Variants in DMD observed in about 807,000 individuals in gnomAD.
The protein encoded by DMD is mutant dystrophin.
A neutral mutation model predicts 330.1 loss-of-function variants in DMD; 63 were observed. The ratio of observed to expected loss-of-function variants is 0.19; its 90% CI spans 0.16 to 0.24. The LOEUF (loss-of-function observed/expected upper bound fraction) is 0.24. DMD is among the 10% of genes least tolerant of loss of function. The probability of loss-of-function intolerance (pLI) is 1.00; values close to 1 mark genes in which losing one functional copy is unlikely to be tolerated. For missense variants in DMD, 3,344 were observed against 2,684.1 expected (o/e 1.25, Z -5.43); for synonymous variants, 1,223 against 959.8 (o/e 1.27, Z -5.07).
At chrX:31,316,452 A>C (rs2056018707) in intron 62 of DMD, among the ~76,000 whole-genome samples, 1 of 111,870 alleles carries the variant, frequency 8.9e-6, no homozygotes, top group Non-Finnish European at 1.9e-5. Flanking sequence ...ATTTCAGTCA[A>C]GGTGATACAA....
chrX:31,845,424 T>TCTCTCTCC (rs1295024075), intron 48 of DMD, among the ~76,000 whole-genome samples: 11 of 94,336 alleles, frequency 1.2e-4, no homozygotes, highest in Non-Finnish European at 2.1e-4. Flanking sequence ...TCTCTCTCTC[T>TCTCTCTCC]CCCTCTCCTC....
intron 52 of DMD, among the ~76,000 whole-genome samples, chrX:31,721,425 A>T (rs1453876258): frequency 9.1e-6 from 1 of 109,885 alleles, no homozygotes; most frequent in African/African-American, 3.3e-5. Flanking sequence ...AAGAGAAAAG[A>T]CTGAAGTCCC....
chrX:31,619,975 A>T (rs1050864703), intron 55 of DMD, among the ~76,000 whole-genome samples: 1 of 112,229 alleles, frequency 8.9e-6, no homozygotes, highest in Admixed American at 9.4e-5. Flanking sequence ...CCTGCAGGAG[A>T]TAAAAGACCA....
chrX:33,138,882 T>A (rs1189000770), intron 1 of DMD, among the ~76,000 whole-genome samples: 1 of 111,581 alleles, frequency 9.0e-6, no homozygotes, highest in Non-Finnish European at 1.9e-5. Flanking sequence ...TTCTCACCCC[T>A]GCTTTCTGCC....
chrX:32,761,300 G>C (rs1038550857), intron 7 of DMD, among the ~76,000 whole-genome samples: 1 of 110,901 alleles, frequency 9.0e-6, no homozygotes, highest in Non-Finnish European at 1.9e-5. Context: ...GTGATAAATC[G>C]GTGATGCTCT....
chrX:31,988,254 T>C (rs1020665513), intron 44 of DMD, among the ~76,000 whole-genome samples: 2 of 109,538 alleles, frequency 1.8e-5, no homozygotes, highest in Admixed American at 9.7e-5. Context: ...GGGTGGATCA[T>C]GAGGTCAGGA....
At chrX:32,308,421 A>G (rs149582063) in intron 42 of DMD, among the ~76,000 whole-genome samples, 3 of 110,772 alleles carry the variant, frequency 2.7e-5, no homozygotes, top group East Asian at 2.9e-4. Flanking sequence ...AATGACAATG[A>G]TGAATGCCTT....
chrX:31,920,137 T>C (rs12013032), intron 47 of DMD, among the ~76,000 whole-genome samples: 8,706 of 112,128 alleles, frequency 0.078, 769 homozygotes, highest in African/African-American at 0.26. Context: ...AGGGGTCAGC[T>C]GACATGAATA....
At chrX:33,292,760 T>C (rs2053530871) in intron 1 of DMD, among the ~76,000 whole-genome samples, 1 of 111,068 alleles carries the variant, frequency 9.0e-6, no homozygotes, top group Non-Finnish European at 1.9e-5. Flanking sequence ...CTGAAGTATA[T>C]ATTTTTGGTT....
chrX:32,798,732 T>G (rs372506712), intron 7 of DMD, among the ~76,000 whole-genome samples: 2 of 111,949 alleles, frequency 1.8e-5, no homozygotes, highest in South Asian at 7.4e-4. Context: ...AAGGAACACC[T>G]ATAATATTGC....
At chrX:32,835,274 T>C (rs182305861) in intron 4 of DMD, among the ~76,000 whole-genome samples, 38 of 111,974 alleles carry the variant, frequency 3.4e-4, no homozygotes, top group African/African-American at 1.2e-3. Flanking sequence ...GTATAAGAGA[T>C]GTTTCATCCT....
chrX:31,462,891 A>G (rs762428736), intron 59 of DMD, among the ~76,000 whole-genome samples: 5 of 112,247 alleles, frequency 4.5e-5, no homozygotes, highest in Non-Finnish European at 3.8e-5. Context: ...AAAAGACAGA[A>G]GTTGATGGAA....
At chrX:32,357,681 AC>A (rs2097809282) in intron 37 of DMD, among the ~76,000 whole-genome samples, 2 of 109,221 alleles carry the variant, frequency 1.8e-5, no homozygotes, top group Non-Finnish European at 3.8e-5. Flanking sequence ...ACACACACAC[AC>A]ACACACACAC....
At chrX:32,097,139 T>C (rs2096513144) in intron 44 of DMD, among the ~76,000 whole-genome samples, 1 of 111,259 alleles carries the variant, frequency 9.0e-6, no homozygotes, top group Admixed American at 9.6e-5. Context: ...ACGTGCAGAT[T>C]TGTTACATAG....
intron 15 of DMD, among the ~76,000 whole-genome samples, chrX:32,569,870 A>G (rs1343279297): frequency 9.0e-6 from 1 of 111,597 alleles, no homozygotes; most frequent in Non-Finnish European, 1.9e-5. Flanking sequence ...ACTCAGGAAC[A>G]GGTTTCTTCT....
At chrX:32,452,189 C>T (rs1343449385) in intron 26 of DMD, among the ~76,000 whole-genome samples, 1 of 105,238 alleles carries the variant, frequency 9.5e-6, no homozygotes, top group Non-Finnish European at 2.0e-5. Context: ...TATCTACTTA[C>T]GGATCTGAGG....
chrX:32,945,927 G>A (rs189010766), intron 2 of DMD, among the ~76,000 whole-genome samples: 22 of 111,047 alleles, frequency 2.0e-4, no homozygotes, highest in African/African-American at 6.5e-4. Context: ...AGATTTGAAC[G>A]TCTGTATTCC....
chrX:32,811,833 G>A (rs959617621), intron 6 of DMD, among the ~76,000 whole-genome samples: 2 of 109,701 alleles, frequency 1.8e-5, no homozygotes, highest in African/African-American at 3.5e-5. Flanking sequence ...TTAAATAGAC[G>A]TTTCGACTTG....
intron 54 of DMD, among the ~76,000 whole-genome samples, chrX:31,638,531 T>TA (rs2079546242): frequency 8.9e-6 from 1 of 112,662 alleles, no homozygotes; most frequent in Admixed American, 9.4e-5. Flanking sequence ...ATCTTGCATC[T>TA]AGCCAGTATT....
Sources: gnomAD v4.1 joint callset for allele counts (sites outside exome capture counted in the v4.1 genomes callset) on GRCh38, gnomAD v4.1.1 for gene constraint, MANE v1.5 for transcripts, NCBI Gene and HGNC (gene_info 2026-07-23, HGNC 2026-07-21) for gene names.